ABLIM1: variants seen among roughly 807,000 people sequenced by gnomAD.
ABLIM1 encodes actin-binding LIM protein 1.
Under a neutral mutation model 107.0 loss-of-function variants are expected in ABLIM1, and 40 were observed. That is an observed-to-expected ratio of 0.37 (90% CI 0.29 to 0.49). The LOEUF (loss-of-function observed/expected upper bound fraction) is 0.49. Among genes scored for constraint, ABLIM1 ranks in the 20% least tolerant of loss-of-function variants. The pLI is 0.97. For synonymous variants in ABLIM1, 357 were observed against 357.3 expected, an observed-to-expected ratio of 1.00 and a Z score of 0.01; for missense variants, 857 against 1,008.5, an observed-to-expected ratio of 0.85 and a Z score of 2.04.
intron 17 of ABLIM1, among the ~76,000 whole-genome samples, chr10:114,442,097 A>G (rs1157639318): frequency 6.6e-6 from 1 of 152,180 alleles, no homozygotes; most frequent in Non-Finnish European, 1.5e-5. Context: ...ATATAACCCT[A>G]ATAACACTAT....
At chr10:114,438,653 G>A (rs2139038627) in intron 21 of ABLIM1, among the ~76,000 whole-genome samples, 1 of 152,316 alleles carries the variant, frequency 6.6e-6, no homozygotes. Flanking sequence ...ATGAATCTAT[G>A]GGGCCAGGCA....
At chr10:114,518,586 AC>A (rs1360131287) in intron 6 of ABLIM1, among the ~76,000 whole-genome samples, 10 of 151,716 alleles carry the variant, frequency 6.6e-5, no homozygotes, top group African/African-American at 2.4e-4. Flanking sequence ...CATAGGTGAA[AC>A]CTGGCCCACT....
chr10:114,656,158 T>C (rs914281953), intron 1 of ABLIM1, among the ~76,000 whole-genome samples: 2 of 148,532 alleles, frequency 1.3e-5, no homozygotes, highest in Non-Finnish European at 3.0e-5. Context: ...TAATCCAAAC[T>C]ACTTGGGAGG....
chr10:114,443,930 T>C, intron 17 of ABLIM1, 99 bp downstream of exon 17: 1 of 924,598 alleles, frequency 1.1e-6, no homozygotes, highest in South Asian at 1.8e-5. Flanking sequence ...TCCCGTGGAA[T>C]ACTCTGTAGG....
intron 1 of ABLIM1, among the ~76,000 whole-genome samples, chr10:114,744,035 CT>C (rs1482069491): frequency 6.6e-6 from 1 of 152,152 alleles, no homozygotes; most frequent in Non-Finnish European, 1.5e-5. Context: ...CTAAGTTGGC[CT>C]CTTGGGAGAC....
At chr10:114,652,923 C>T (rs543994303) in intron 1 of ABLIM1, among the ~76,000 whole-genome samples, 1 of 152,282 alleles carries the variant, frequency 6.6e-6, no homozygotes, top group Admixed American at 6.5e-5. Context: ...TTCCTGGCAA[C>T]AGCAATATAC....
chr10:114,488,184 C>CT (rs2058457415), intron 7 of ABLIM1, among the ~76,000 whole-genome samples, 168 bp from the exon 8 acceptor site: 1 of 151,938 alleles, frequency 6.6e-6, no homozygotes, highest in East Asian at 1.9e-4. Context: ...TGTCCAAAGC[C>CT]TAAGTGAGTT....
chr10:114,788,334 T>TAAAAAAAAA, the ABLIM1 span, among the ~76,000 whole-genome samples: 1 of 131,326 alleles, frequency 7.6e-6, no homozygotes, highest in Non-Finnish European at 1.6e-5. Context: ...AATAAAAAAA[T>TAAAAAAAAA]AAAAAAAAAA....
At chr10:114,495,522 G>A (rs1226618417) in intron 6 of ABLIM1, among the ~76,000 whole-genome samples, 1 of 151,992 alleles carries the variant, frequency 6.6e-6, no homozygotes, top group Non-Finnish European at 1.5e-5. Context: ...TGAAGGTGAT[G>A]GTAATGATGG....
At chr10:114,748,336 A>C (rs2082428962) in intron 1 of ABLIM1, among the ~76,000 whole-genome samples, 1 of 152,220 alleles carries the variant, frequency 6.6e-6, no homozygotes, top group South Asian at 2.1e-4. Context: ...TGGCCAGCTT[A>C]TAATCTGCAA....
intron 1 of ABLIM1, among the ~76,000 whole-genome samples, chr10:114,647,697 C>A (rs2079068287): frequency 6.6e-6 from 1 of 152,182 alleles, no homozygotes; most frequent in African/African-American, 2.4e-5. Context: ...TGCAGACAAA[C>A]CTTTGTGAGC....
chr10:114,591,905 T>C (rs1664542038), intron 2 of ABLIM1, among the ~76,000 whole-genome samples: 1 of 152,184 alleles, frequency 6.6e-6, no homozygotes, highest in Non-Finnish European at 1.5e-5. Flanking sequence ...GCCCTCAAAA[T>C]GTTTTAGAGT....
At position 114,445,397 on chromosome 10, in the gene ABLIM1, T is replaced by G. The variant is rs768395853; in HGVS notation, c.1742A>C (p.Asp581Ala). Residue 581 changes from aspartate (D) to alanine (A), a missense_variant, in exon 16 of 23, where the codon GAC becomes GCC. Asp to Ala is a moderately radical substitution (Grantham distance 126). This residue lies in a region of ABLIM1 where 103 missense variants were observed against 101.0 expected (regional missense o/e 1.02). Transcript: ENST00000533213. ...GPPSFAVVGPDMKRRSSGREE... is the reference protein window; with the variant it reads ...GPPSFAVVGPAMKRRSSGREE... ...TCTGCCACTAGATCTGCGTTTCATG[T>G]CAGGTCCTAATTCCACAGCAAAGAC... The G allele has an allele frequency of 5.0e-6, 8 of 1,613,988 alleles. No individual in the cohort carries two copies. The highest frequency in any genetic ancestry group is 6.8e-6 in the Non-Finnish European group (8 of 1,179,954).
chr10:114,766,909 C>T (rs2082908412), intron 1 of ABLIM1, among the ~76,000 whole-genome samples: 1 of 152,106 alleles, frequency 6.6e-6, no homozygotes, highest in African/African-American at 2.4e-5. Flanking sequence ...TATCTCAGAG[C>T]CCTATGTCAC....
rs186874479 is a variant in ABLIM1 at position 114,465,669 on chromosome 10, A to T, written c.1441+29T>A. 438 of 1,612,486 alleles carry T rather than the reference A, an allele frequency of 2.7e-4. 2 individuals carry two copies. The African/African-American group carries it at 4.6e-3, about 17-fold the overall frequency. ...ATCACAGAAACATAGTTTGTTATAT[A>T]GAGTGAATCCAGGAACAGTCACCCT... On this transcript the variant is annotated intron_variant, in intron 12 of 22. Transcript: ENST00000533213.
chr10:114,796,176 T>C, the ABLIM1 span, among the ~76,000 whole-genome samples: 1 of 152,266 alleles, frequency 6.6e-6, no homozygotes, highest in African/African-American at 2.4e-5. Context: ...GCTTAACAAA[T>C]TACCCCAAGC....
intron 6 of ABLIM1, among the ~76,000 whole-genome samples, chr10:114,537,616 T>C (rs1396794636): frequency 6.6e-6 from 1 of 152,210 alleles, no homozygotes; most frequent in Non-Finnish European, 1.5e-5. Flanking sequence ...CCTGACCAGC[T>C]TGCAGGCCTG....
intron 1 of ABLIM1, among the ~76,000 whole-genome samples, chr10:114,672,634 T>A (rs114691788): frequency 0.01 from 1,559 of 152,356 alleles, 38 homozygotes; most frequent in African/African-American, 0.035. Context: ...GTTAATGTAA[T>A]TCAATTAGTA....
At chr10:114,655,728 G>C (rs901903357) in intron 1 of ABLIM1, among the ~76,000 whole-genome samples, 1 of 152,172 alleles carries the variant, frequency 6.6e-6, no homozygotes, top group African/African-American at 2.4e-5. Context: ...AGCTTGTAAG[G>C]GGACTGGGCA....
Sources: gnomAD v4.1 joint callset for allele counts (sites outside exome capture counted in the v4.1 genomes callset) on GRCh38, gnomAD v4.1.1 for gene constraint, gnomAD v4.1.1 regional missense constraint, MANE v1.5 for transcripts, NCBI Gene and HGNC (gene_info 2026-07-23, HGNC 2026-07-21) for gene names.